The following GALNT13 variants were observed in gnomAD, a reference collection of about 807,000 sequenced individuals.
GALNT13 encodes polypeptide N-acetylgalactosaminyltransferase 13.
In GALNT13, 28 loss-of-function variants were observed where a neutral mutation model predicts 64.2. The observed-to-expected ratio is 0.44, with a 90% CI of 0.32 to 0.60. The LOEUF (loss-of-function observed/expected upper bound fraction) is 0.60. Ranked by LOEUF, GALNT13 falls within the 20% of genes least tolerant of loss-of-function variation. The pLI, the probability that GALNT13 is intolerant of heterozygous loss-of-function variation, is 0.05. For missense variants in GALNT13, 577 were observed against 669.8 expected (o/e 0.86, Z 1.53); for synonymous variants, 214 against 224.6 (o/e 0.95, Z 0.42).
At chr2:153,621,881 A>C in the GALNT13 span, among the ~76,000 whole-genome samples, 1 of 152,120 alleles carries the variant, frequency 6.6e-6, no homozygotes, top group Admixed American at 6.6e-5. Context: ...AGAAAAAGGC[A>C]CATTGATTTT....
the GALNT13 span, among the ~76,000 whole-genome samples, chr2:153,621,293 C>A: frequency 2.6e-5 from 4 of 152,278 alleles, no homozygotes; most frequent in African/African-American, 9.6e-5. Context: ...CAAATACTCA[C>A]CAGTTTGGGA....
chr2:153,355,977 C>T, the GALNT13 span, among the ~76,000 whole-genome samples: 1 of 152,124 alleles, frequency 6.6e-6, no homozygotes, highest in Non-Finnish European at 1.5e-5. Flanking sequence ...AGATACCTGG[C>T]TTTGAATTCC....
chr2:153,600,222 A>G, the GALNT13 span, among the ~76,000 whole-genome samples: 89 of 151,966 alleles, frequency 5.9e-4, no homozygotes, highest in African/African-American at 2.0e-3. Flanking sequence ...ATTTTTGTCT[A>G]TCTTGGATTA....
intron 2 of GALNT13, among the ~76,000 whole-genome samples, chr2:153,931,530 C>T (rs1230290696): frequency 2.6e-5 from 4 of 151,834 alleles, no homozygotes; most frequent in African/African-American, 7.3e-5. Context: ...TCATTTCATG[C>T]CTAGTTTGTT....
chr2:153,600,048 A>G, the GALNT13 span, among the ~76,000 whole-genome samples: 1 of 151,946 alleles, frequency 6.6e-6, no homozygotes, highest in Non-Finnish European at 1.5e-5. Context: ...CGAGGCAGAG[A>G]GGATTAGAGA....
intron 9 of GALNT13, among the ~76,000 whole-genome samples, chr2:154,395,598 T>C (rs1699019076): frequency 6.6e-6 from 1 of 152,134 alleles, no homozygotes; most frequent in Non-Finnish European, 1.5e-5. Flanking sequence ...TAAGTGACTC[T>C]ATAGGGAAAG....
intron 1 of GALNT13, among the ~76,000 whole-genome samples, chr2:153,878,706 C>G (rs945585354): frequency 6.6e-6 from 1 of 152,050 alleles, no homozygotes. Flanking sequence ...ATCTTCCCTC[C>G]AAAAAACACA....
chr2:153,211,797 A>G, the GALNT13 span, among the ~76,000 whole-genome samples: 3 of 152,186 alleles, frequency 2.0e-5, no homozygotes, highest in Non-Finnish European at 4.4e-5. Flanking sequence ...TCATCAGGGT[A>G]TGAGGTGATT....
At chr2:153,941,682 A>C (rs1239528079) in intron 2 of GALNT13, among the ~76,000 whole-genome samples, 1 of 152,214 alleles carries the variant, frequency 6.6e-6, no homozygotes, top group African/African-American at 2.4e-5. Context: ...TTTAAGAGGA[A>C]TATTGAAATA....
chr2:154,405,427 GAA>G (rs1307681751), intron 10 of GALNT13, among the ~76,000 whole-genome samples: 1 of 151,914 alleles, frequency 6.6e-6, no homozygotes, highest in Non-Finnish European at 1.5e-5. Flanking sequence ...TTCCTAAAGA[GAA>G]AAACCAATGA....
At chr2:154,286,059 T>C (rs1379966995) in intron 8 of GALNT13, among the ~76,000 whole-genome samples, 1 of 152,222 alleles carries the variant, frequency 6.6e-6, no homozygotes, top group East Asian at 1.9e-4. Context: ...TACAAATTTG[T>C]TTATCAGTTC....
the GALNT13 span, among the ~76,000 whole-genome samples, chr2:153,636,637 CATCA>C: frequency 6.6e-6 from 1 of 152,106 alleles, no homozygotes; most frequent in Non-Finnish European, 1.5e-5. Context: ...AGGAACCTCT[CATCA>C]ATCATCAAAA....
At chr2:154,245,613 A>G (rs530016836) in intron 6 of GALNT13, among the ~76,000 whole-genome samples, 199 bp from the exon 7 acceptor site, 3 of 152,322 alleles carry the variant, frequency 2.0e-5, no homozygotes, top group South Asian at 2.1e-4. Context: ...TAGATTTCAA[A>G]AGATAGCATA....
chr2:153,464,019 A>C, the GALNT13 span, among the ~76,000 whole-genome samples: 1 of 152,022 alleles, frequency 6.6e-6, no homozygotes, highest in Non-Finnish European at 1.5e-5. Context: ...AAACAAGTGG[A>C]CTTCAGGTGG....
the GALNT13 span, among the ~76,000 whole-genome samples, chr2:153,127,556 G>A: frequency 4.5e-3 from 689 of 151,898 alleles, 6 homozygotes; most frequent in Non-Finnish European, 4.8e-3. Context: ...CTGGGGAACC[G>A]TAATCTTAGT....
intron 12 of GALNT13, among the ~76,000 whole-genome samples, chr2:154,442,461 A>C (rs1450948092): frequency 6.6e-5 from 10 of 152,076 alleles, no homozygotes; most frequent in Admixed American, 5.9e-4. Context: ...GTTTGAATTG[A>C]GGGCATCCTG....
chr2:153,804,178 T>G, the GALNT13 span, among the ~76,000 whole-genome samples: 1 of 152,152 alleles, frequency 6.6e-6, no homozygotes, highest in Non-Finnish European at 1.5e-5. Context: ...GTTGTTGTTG[T>G]TTCTTTTTGA....
chr2:153,099,723 T>C, the GALNT13 span, among the ~76,000 whole-genome samples: 4 of 152,238 alleles, frequency 2.6e-5, no homozygotes, highest in Non-Finnish European at 1.5e-5. Context: ...TTATAGTTCT[T>C]ATGGATGTAT....
chr2:153,356,528 TCTCC>T, the GALNT13 span: 1 of 152,196 alleles, frequency 6.6e-6, no homozygotes, highest in Non-Finnish European at 1.5e-5. Context: ...TTTTGTTCTA[TCTCC>T]TAGTGCTGCA....
Sources: allele counts gnomAD v4.1 joint callset (sites outside exome capture counted in the v4.1 genomes callset), GRCh38; gene constraint gnomAD v4.1.1; transcripts MANE v1.5; gene names NCBI Gene and HGNC (gene_info 2026-07-23, HGNC 2026-07-21).